The following CHST15 variants were observed in gnomAD, a reference collection of about 807,000 sequenced individuals.
CHST15 encodes the protein carbohydrate sulfotransferase 15.
A neutral mutation model predicts 53.6 loss-of-function variants in CHST15; 30 were observed. That is an observed-to-expected ratio of 0.56 (90% confidence interval 0.42 to 0.76). CHST15 has a LOEUF of 0.76. Among genes scored for constraint, CHST15 ranks in the 30% least tolerant of loss-of-function variants. The pLI is 0.00. For synonymous variants in CHST15, 296 were observed against 289.8 expected, an observed-to-expected ratio of 1.02 and a Z score of -0.22; for missense variants, 627 against 740.5, an observed-to-expected ratio of 0.85 and a Z score of 1.78.
intron 2 of CHST15, among the ~76,000 whole-genome samples, chr10:124,045,442 T>C (rs569986272): frequency 5.7e-4 from 87 of 152,336 alleles, no homozygotes; most frequent in Admixed American, 3.1e-3. Context: ...TGAACATGCC[T>C]AGCCCAGCGT....
At chr10:124,035,191 A>AC (rs1196553040) in intron 5 of CHST15, among the ~76,000 whole-genome samples, 1 of 72,886 alleles carries the variant, frequency 1.4e-5, no homozygotes, top group African/African-American at 5.2e-5. Context: ...CCCTGGTTCC[A>AC]CCCCTAACGG....
At chr10:124,058,070 G>C (rs893364747) in intron 1 of CHST15, among the ~76,000 whole-genome samples, 2 of 152,204 alleles carry the variant, frequency 1.3e-5, no homozygotes, top group African/African-American at 2.4e-5. Context: ...AACTATTTCA[G>C]AGTGCTCATT....
rs80319524 is a variant in CHST15, at chr10:124,010,755, C to T, written c.1496-416G>A. 5,418 of 985,404 alleles carry T rather than the reference C, an allele frequency of 5.5e-3. 132 individuals carry two copies. In the African/African-American group the frequency reaches 0.062, roughly 11 times the overall value. 61.0% of individuals were successfully genotyped at this position (985,404 alleles called of 1,614,324 possible). ...CCTGCTCAGCAGCCCTCTGGAATTC[C>T]GCCATCATCGTTTCTACTTCAGGCT... On this transcript the variant is annotated intron_variant, in intron 7 of 7. Coordinates refer to ENST00000435907, the MANE Select transcript of CHST15 (RefSeq NM_001270764.2).
intron 3 of CHST15, 120 bp from the exon 4 acceptor site, chr10:124,042,567 G>A: frequency 8.8e-7 from 1 of 1,134,098 alleles, no homozygotes. Context: ...ACAGCAGCAA[G>A]AGGCTCAGCC....
intron 1 of CHST15, among the ~76,000 whole-genome samples, chr10:124,084,829 T>C (rs1022483493): frequency 4.6e-5 from 7 of 152,296 alleles, no homozygotes; most frequent in Admixed American, 4.6e-4. Context: ...CCCACCTGGA[T>C]GTCCAGGAAA....
intron 7 of CHST15, 92 bp downstream of exon 7, chr10:124,012,241 G>T: frequency 6.9e-7 from 1 of 1,459,076 alleles, no homozygotes; most frequent in Non-Finnish European, 9.3e-7. Flanking sequence ...TTCCCACCCA[G>T]CTGACCAGGT....
chr10:124,050,242 G>C (rs924434179), intron 1 of CHST15, among the ~76,000 whole-genome samples: 7 of 152,300 alleles, frequency 4.6e-5, no homozygotes, highest in African/African-American at 1.7e-4. Context: ...CGCGAGTGGT[G>C]CAGGGCTGAC....
At chr10:124,058,844 C>T (rs576348607) in intron 1 of CHST15, among the ~76,000 whole-genome samples, 1 of 152,344 alleles carries the variant, frequency 6.6e-6, no homozygotes, top group East Asian at 1.9e-4. Context: ...ACAACAGTGA[C>T]ACCAGCTAAC....
At position 124,039,535 on chromosome 10, in the gene CHST15, G is replaced by A. The variant is rs1048611229; in HGVS notation, c.1034-864C>T. On this transcript the variant is annotated intron_variant, in intron 4 of 7. Transcript: ENST00000435907. ...TCACACGCCCTGTCTCCTGCGAGGC[G>A]ACTGCTCTGCACGCAGCTGGCGCCT... is the stretch of plus-strand genomic sequence containing the variant. Among the ~76,000 whole-genome samples the A allele has an allele frequency of 5.9e-5, 9 of 152,258 alleles. No homozygotes were observed. The East Asian group carries it at 7.7e-4, about 13-fold the overall frequency.
In CHST15 at chr10:124,019,243, C is replaced by G. The variant is rs917891376; in HGVS notation, c.1347+2013G>C. Among the ~76,000 whole-genome samples, 1 of 152,154 alleles carries G rather than the reference C, an allele frequency of 6.6e-6. No homozygotes were observed. Among genetic ancestry groups the G allele is most frequent in the Non-Finnish European group, 1.5e-5 (1 of 68,016 alleles). On this transcript the variant is annotated intron_variant, in intron 6 of 7. Coordinates refer to ENST00000435907, the MANE Select transcript of CHST15 (RefSeq NM_001270764.2). The surrounding 1 kb of genome is among the most constrained non-coding windows in gnomAD (Gnocchi z 4.6). Reference sequence around the variant, plus strand: ...AAGAAACCACAACCCCACCTTGAGGCGTCATGCCAGCGCCCCTTTCCTCCT... The same window carrying G: ...AAGAAACCACAACCCCACCTTGAGGGGTCATGCCAGCGCCCCTTTCCTCCT...
At chr10:124,030,906 G>A (rs138960026) in intron 5 of CHST15, among the ~76,000 whole-genome samples, 2 of 152,368 alleles carry the variant, frequency 1.3e-5, no homozygotes, top group Non-Finnish European at 2.9e-5. Context: ...TTGCCCTAGG[G>A]CGGGCATCCT....
At chr10:124,011,691 A>G (rs1232948531) in intron 7 of CHST15, 8 of 985,300 alleles carry the variant, frequency 8.1e-6, no homozygotes, top group Non-Finnish European at 9.6e-6. Flanking sequence ...GTCACCACAA[A>G]GTGACTCTCA....
chr10:124,061,066 G>T (rs1056282681), intron 1 of CHST15, among the ~76,000 whole-genome samples: 1 of 152,138 alleles, frequency 6.6e-6, no homozygotes, highest in South Asian at 2.1e-4. Context: ...CTCTGGGTGG[G>T]GTGACGTGGC....
intron 1 of CHST15, among the ~76,000 whole-genome samples, chr10:124,057,426 A>ACCTACTATG (rs1253555597): frequency 1.3e-5 from 2 of 152,082 alleles, no homozygotes; most frequent in Non-Finnish European, 2.9e-5. Context: ...TTATTTAAAC[A>ACCTACTATG]CCTACTATGT....
chr10:124,073,875 T>C (rs758934838), intron 1 of CHST15, among the ~76,000 whole-genome samples: 1 of 152,156 alleles, frequency 6.6e-6, no homozygotes, highest in Non-Finnish European at 1.5e-5. Context: ...GCTAATGACC[T>C]CCAGTTGCCA....
intron 1 of CHST15, among the ~76,000 whole-genome samples, chr10:124,085,080 A>G (rs904059515): frequency 2.0e-5 from 3 of 152,220 alleles, no homozygotes; most frequent in African/African-American, 7.2e-5. Flanking sequence ...CTTTACATAC[A>G]CAGGTTCACA....
At chr10:124,073,102 T>A (rs1008770335) in intron 1 of CHST15, among the ~76,000 whole-genome samples, 2 of 152,158 alleles carry the variant, frequency 1.3e-5, no homozygotes, top group Non-Finnish European at 2.9e-5. Flanking sequence ...ACAATTCCAA[T>A]CCTAGCTACG....
chr10:124,025,091 A>T (rs1488985595), intron 5 of CHST15, among the ~76,000 whole-genome samples: 2 of 152,248 alleles, frequency 1.3e-5, no homozygotes, highest in African/African-American at 4.8e-5. Context: ...TCTTTGTGGT[A>T]ATAACATTTC....
At chr10:124,093,254 G>T (rs1418110756) in intron 1 of CHST15, among the ~76,000 whole-genome samples, 1 of 151,506 alleles carries the variant, frequency 6.6e-6, no homozygotes, top group African/African-American at 2.4e-5. Flanking sequence ...GGCCGCCGCC[G>T]CCACCGCCAC....
Sources: gnomAD v4.1 joint callset for allele counts (sites outside exome capture counted in the v4.1 genomes callset) on GRCh38, gnomAD v4.1.1 for gene constraint, Gnocchi (gnomAD v3.1) non-coding constraint, MANE v1.5 for transcripts, NCBI Gene and HGNC (gene_info 2026-07-23, HGNC 2026-07-21) for gene names.